TMED3: variants seen among roughly 807,000 people sequenced by gnomAD.
The protein encoded by TMED3 is transmembrane p24 trafficking protein 3, also known as transmembrane emp24 domain-containing protein 3.
In TMED3, 9 loss-of-function variants were observed where a neutral mutation model predicts 15.0. The ratio of observed to expected loss-of-function variants is 0.60; its 90% CI spans 0.36 to 1.04. The LOEUF is 1.04. TMED3 is among the 50% of genes least tolerant of loss of function. The pLI, the probability that TMED3 is intolerant of heterozygous loss-of-function variation, is 0.01. For missense variants in TMED3, 267 were observed against 278.9 expected, an observed-to-expected ratio of 0.96 and a Z score of 0.30; for synonymous variants, 117 against 121.4, an observed-to-expected ratio of 0.96 and a Z score of 0.24.
chr15:79,389,137 T>C (rs774725702), intron 2 of TMED3, among the ~76,000 whole-genome samples: 27 of 152,218 alleles, frequency 1.8e-4, no homozygotes, highest in Non-Finnish European at 3.2e-4. Flanking sequence ...CATTTGCCTT[T>C]GGGTTCTTGG....
chr15:79,311,140 G>A lies in TMED3; in HGVS notation c.-110G>A. 3.2e-6 allele frequency: 4 copies of A among 1,243,358 alleles called. No individual in the cohort carries two copies. Among genetic ancestry groups the A allele is most frequent in the South Asian group, 1.6e-5 (1 of 61,952 alleles). 77.0% of individuals were successfully genotyped at this position (1,243,358 alleles called of 1,614,324 possible). A position where few individuals can be genotyped will look rare whatever the true frequency, so the allele number is the denominator to read the frequency against. On this transcript the variant is annotated 5_prime_UTR_variant, in exon 1 of 3. Coordinates refer to ENST00000299705, the MANE Select transcript of TMED3 (RefSeq NM_007364.4). Reference sequence around the variant, plus strand: ...CCCGGAAGCGCAGAGCTCCGCTGGTGCCACGTCTATCCCCTTACATCCTCC... The same window carrying A: ...CCCGGAAGCGCAGAGCTCCGCTGGTACCACGTCTATCCCCTTACATCCTCC...
intron 2 of TMED3, among the ~76,000 whole-genome samples, chr15:79,402,909 G>A (rs1353939727): frequency 6.6e-6 from 1 of 152,050 alleles, no homozygotes; most frequent in East Asian, 1.9e-4. Context: ...AGAGCCTTGT[G>A]AAGGAGTCTC....
Position 79,380,045 on chromosome 15 carries a change from A to G in TMED3, c.418-31355A>G, listed in dbSNP as rs78830782. Among the ~76,000 whole-genome samples, 1,069 of 152,320 alleles carry G rather than the reference A, an allele frequency of 7.0e-3. 13 individuals carry two copies. Among genetic ancestry groups the G allele is most frequent in the African/African-American group, 0.025 (1,019 of 41,568 alleles). ...CTCAGAAAACATTCTTATCATGCTT[A>G]AAAGTATCAGCATCACTAAGATGTG... On this transcript the variant is annotated intron_variant, in intron 2 of 2. Coordinates refer to the TMED3 transcript ENST00000424155.
At chr15:79,409,363 G>A (rs746519579) in intron 2 of TMED3, among the ~76,000 whole-genome samples, 5 of 152,240 alleles carry the variant, frequency 3.3e-5, no homozygotes, top group South Asian at 2.1e-4. Context: ...AAATCAATGC[G>A]CTCCTGCATT....
At position 79,339,888 on chromosome 15, in the gene TMED3, G is replaced by GTGA. The variant is rs796493140; in HGVS notation, c.417+25886_417+25888dup. Among the ~76,000 whole-genome samples, 278 of 151,270 alleles carry GTGA rather than the reference G, an allele frequency of 1.8e-3. 4 individuals carry two copies. The highest frequency in any genetic ancestry group is 6.5e-3 in the African/African-American group (266 of 40,722). On this transcript the variant is annotated intron_variant, in intron 2 of 2. Transcript: ENST00000424155. Reference sequence around the variant, plus strand: ...GGTGATGATGGTAGTGGTGATGGTGGTGATGGTGGTGATTAGGATGGTGAT... The same window carrying GTGA: ...GGTGATGATGGTAGTGGTGATGGTGGTGATGATGGTGGTGATTAGGATGGTGAT...
At chr15:79,382,902 A>G (rs543969663) in intron 2 of TMED3, 4 of 1,437,332 alleles carry the variant, frequency 2.8e-6, no homozygotes, top group Admixed American at 3.9e-5. Flanking sequence ...CCAACACAAT[A>G]TAGTCTTTAT....
At position 79,365,227 on chromosome 15, in the gene TMED3, G is replaced by A. The variant is rs115919839; in HGVS notation, c.418-46173G>A. ...AAAAAGACAGGACAGCTCAAAGCAGGGGCCCACAGGTCATAGGTGAATTCA... is the reference window on the plus strand; with the variant it reads ...AAAAAGACAGGACAGCTCAAAGCAGAGGCCCACAGGTCATAGGTGAATTCA... On this transcript the variant is annotated intron_variant, in intron 2 of 2. Coordinates refer to the TMED3 transcript ENST00000424155. Among the ~76,000 whole-genome samples, 4 of 152,312 alleles carry A rather than the reference G, an allele frequency of 2.6e-5. No homozygotes were observed. The East Asian group carries it at 5.8e-4, about 22-fold the overall frequency.
chr15:79,373,747 A>C (rs1480407255), intron 2 of TMED3, among the ~76,000 whole-genome samples: 1 of 152,206 alleles, frequency 6.6e-6, no homozygotes, highest in Non-Finnish European at 1.5e-5. Flanking sequence ...GCTTGGTTTT[A>C]TACAGGGGAA....
intron 2 of TMED3, among the ~76,000 whole-genome samples, chr15:79,345,538 C>T (rs746472542): frequency 6.6e-6 from 1 of 152,116 alleles, no homozygotes; most frequent in African/African-American, 2.4e-5. Context: ...TTTCTTTATC[C>T]AGTCTATTAT....
chr15:79,348,614 G>T (rs1368856293), intron 2 of TMED3, among the ~76,000 whole-genome samples: 1 of 152,194 alleles, frequency 6.6e-6, no homozygotes, highest in Admixed American at 6.5e-5. Flanking sequence ...AAAACAAGAG[G>T]TGCATACCAT....
chr15:79,328,424 C>T (rs1306903830), intron 2 of TMED3, among the ~76,000 whole-genome samples: 2 of 152,108 alleles, frequency 1.3e-5, no homozygotes, highest in Admixed American at 6.5e-5. Context: ...TATCTATTCC[C>T]CTGACTTCTA....
At chr15:79,357,587 G>A (rs2058924556) in intron 2 of TMED3, among the ~76,000 whole-genome samples, 1 of 151,260 alleles carries the variant, frequency 6.6e-6, no homozygotes, top group African/African-American at 2.4e-5. Context: ...TTCTCCTTGG[G>A]GTCCTATTGT....
intron 2 of TMED3, among the ~76,000 whole-genome samples, chr15:79,333,922 C>A (rs546889212): frequency 6.6e-6 from 1 of 152,178 alleles, no homozygotes; most frequent in Non-Finnish European, 1.5e-5. Context: ...TATATGCACT[C>A]ACCTCAGCTC....
intron 2 of TMED3, among the ~76,000 whole-genome samples, chr15:79,371,381 T>C (rs1216769755): frequency 2.0e-5 from 3 of 152,122 alleles, no homozygotes; most frequent in African/African-American, 7.2e-5. Context: ...AACTGCAGCT[T>C]CCTGGGCCCC....
At chr15:79,365,030 C>T (rs1335188533) in intron 2 of TMED3, among the ~76,000 whole-genome samples, 2 of 152,252 alleles carry the variant, frequency 1.3e-5, no homozygotes, top group Admixed American at 6.5e-5. Flanking sequence ...AATGCATACC[C>T]ACTTGGTCTC....
At chr15:79,320,585 G>GT (rs1170730376) in intron 2 of TMED3, among the ~76,000 whole-genome samples, 1 of 152,158 alleles carries the variant, frequency 6.6e-6, no homozygotes, top group African/African-American at 2.4e-5. Context: ...GGGAACTGAA[G>GT]TGAGTGTCTG....
chr15:79,393,887 G>A (rs909461738), intron 2 of TMED3, among the ~76,000 whole-genome samples: 4 of 152,074 alleles, frequency 2.6e-5, no homozygotes, highest in African/African-American at 9.7e-5. Flanking sequence ...TGTAGAGACA[G>A]GGTTTCACCA....
chr15:79,324,237 C>T (rs910728873), downstream of TMED3, among the ~76,000 whole-genome samples: 2 of 152,172 alleles, frequency 1.3e-5, no homozygotes, highest in Admixed American at 6.5e-5. Flanking sequence ...GTGATCCGCC[C>T]GCCTCGGCCT....
At chr15:79,391,837 C>T (rs1194204933) in intron 2 of TMED3, among the ~76,000 whole-genome samples, 1 of 152,046 alleles carries the variant, frequency 6.6e-6, no homozygotes, top group African/African-American at 2.4e-5. Context: ...TATATAATGT[C>T]CCTTGTTGTC....
Sources: gnomAD v4.1 joint callset for allele counts (sites outside exome capture counted in the v4.1 genomes callset) on GRCh38, gnomAD v4.1.1 for gene constraint, MANE v1.5 for transcripts, NCBI Gene and HGNC (gene_info 2026-07-23, HGNC 2026-07-21) for gene names.